PXDNL: variants seen among roughly 807,000 people sequenced by gnomAD.
The protein encoded by PXDNL is probable oxidoreductase PXDNL.
A neutral mutation model predicts 150.8 loss-of-function variants in PXDNL; 145 were observed. The ratio of observed to expected loss-of-function variants is 0.96; its 90% CI spans 0.84 to 1.10. PXDNL has a LOEUF of 1.10. Among genes scored for constraint, PXDNL ranks in the 50% least tolerant of loss-of-function variants. The pLI, the probability that PXDNL is intolerant of heterozygous loss-of-function variation, is 0.00. For synonymous variants in PXDNL, 757 were observed against 725.7 expected (o/e 1.04, Z -0.69); for missense variants, 2,087 against 1,873.9 (o/e 1.11, Z -2.10).
intron 2 of PXDNL, among the ~76,000 whole-genome samples, chr8:51,609,490 A>G (rs1006626459): frequency 2.0e-5 from 3 of 152,132 alleles, no homozygotes; most frequent in South Asian, 2.1e-4. Context: ...ATGTCCTGTG[A>G]TTGTAGTGTG....
chr8:51,431,850 T>C (rs1043892713), intron 12 of PXDNL, among the ~76,000 whole-genome samples: 2 of 152,242 alleles, frequency 1.3e-5, no homozygotes, highest in Non-Finnish European at 2.9e-5. Context: ...CCAAGCTGTA[T>C]TGACTGTGTT....
At chr8:51,328,541 C>A (rs896125238) in intron 21 of PXDNL, among the ~76,000 whole-genome samples, 1 of 152,102 alleles carries the variant, frequency 6.6e-6, no homozygotes, top group Non-Finnish European at 1.5e-5. Flanking sequence ...TCCCACGATC[C>A]AGAAATTGAC....
At chr8:51,372,333 T>A (rs150013637) in intron 18 of PXDNL, among the ~76,000 whole-genome samples, 98 of 152,304 alleles carry the variant, frequency 6.4e-4, no homozygotes, top group Middle Eastern at 3.4e-3. Flanking sequence ...TTTCTAAGGT[T>A]TTCCTCCAAA....
At chr8:51,597,839 C>T (rs1359762851) in intron 2 of PXDNL, among the ~76,000 whole-genome samples, 9 of 152,030 alleles carry the variant, frequency 5.9e-5, no homozygotes, top group East Asian at 1.9e-4. Context: ...CTCAGCCTCC[C>T]GAGTAGCTGG....
At chr8:51,600,804 T>C (rs899159980) in intron 2 of PXDNL, among the ~76,000 whole-genome samples, 1 of 136,676 alleles carries the variant, frequency 7.3e-6, no homozygotes, top group African/African-American at 2.7e-5. Flanking sequence ...TAATAAATTA[T>C]ATCTTATATA....
At chr8:51,804,891 G>A (rs1190803251) in intron 1 of PXDNL, among the ~76,000 whole-genome samples, 1 of 152,026 alleles carries the variant, frequency 6.6e-6, no homozygotes, top group East Asian at 1.9e-4. Context: ...CCCAGCCAGT[G>A]GTGCTGGCCT....
intron 2 of PXDNL, among the ~76,000 whole-genome samples, chr8:51,605,839 G>T (rs947378650): frequency 6.6e-6 from 1 of 152,120 alleles, no homozygotes; most frequent in South Asian, 2.1e-4. Flanking sequence ...TATCACAGGA[G>T]TGGGTTCATT....
At chr8:51,379,887 C>T (rs1027711426) in intron 17 of PXDNL, among the ~76,000 whole-genome samples, 2 of 151,974 alleles carry the variant, frequency 1.3e-5, no homozygotes, top group Admixed American at 6.6e-5. Flanking sequence ...CACTTGGTAC[C>T]GCACCACTTA....
intron 1 of PXDNL, among the ~76,000 whole-genome samples, chr8:51,736,589 T>C (rs1427224460): frequency 6.6e-6 from 1 of 152,206 alleles, no homozygotes; most frequent in African/African-American, 2.4e-5. Context: ...AAAAACCTGC[T>C]TGTAACAAAG....
At chr8:51,776,557 C>A (rs2037355910) in intron 1 of PXDNL, among the ~76,000 whole-genome samples, 1 of 152,144 alleles carries the variant, frequency 6.6e-6, no homozygotes, top group African/African-American at 2.4e-5. Context: ...AAGTCTCTAT[C>A]CTTGACTAAA....
At chr8:51,462,088 A>G (rs1810097462) in intron 8 of PXDNL, among the ~76,000 whole-genome samples, 1 of 152,210 alleles carries the variant, frequency 6.6e-6, no homozygotes, top group Non-Finnish European at 1.5e-5. Context: ...AAGTCATTCA[A>G]TGATATTCAA....
intron 1 of PXDNL, among the ~76,000 whole-genome samples, chr8:51,665,783 GTGCAGATCTGCC>G (rs1328572276): frequency 1.3e-5 from 2 of 152,122 alleles, no homozygotes; most frequent in Non-Finnish European, 1.5e-5. Flanking sequence ...TTGCAGTTCT[GTGCAGATCTGCC>G]TGAGTGTTGG....
chr8:51,360,292 C>T (rs1353411020), intron 19 of PXDNL, among the ~76,000 whole-genome samples: 2 of 152,202 alleles, frequency 1.3e-5, no homozygotes, highest in East Asian at 1.9e-4. Flanking sequence ...AACATGCATA[C>T]ACCCATACAT....
intron 2 of PXDNL, among the ~76,000 whole-genome samples, chr8:51,608,021 G>GAAAGAAAGAAAGAA (rs1563481648): frequency 9.3e-6 from 1 of 107,544 alleles, no homozygotes; most frequent in Non-Finnish European, 1.8e-5. Flanking sequence ...AAGAAAGAAA[G>GAAAGAAAGAAAGAA]AAAGAAAGAA....
At chr8:51,361,937 C>CGAAA (rs1806756236) in intron 19 of PXDNL, among the ~76,000 whole-genome samples, 1 of 58,052 alleles carries the variant, frequency 1.7e-5, no homozygotes, top group African/African-American at 7.0e-5. Flanking sequence ...GATTCCATCT[C>CGAAA]AAAAAAAAAA....
chr8:51,530,367 T>G (rs1811872157), intron 4 of PXDNL, among the ~76,000 whole-genome samples: 1 of 152,160 alleles, frequency 6.6e-6, no homozygotes, highest in Admixed American at 6.5e-5. Flanking sequence ...AAATCCACAG[T>G]AGAAACAGTT....
At chr8:51,690,805 A>G (rs1036699329) in intron 1 of PXDNL, among the ~76,000 whole-genome samples, 5 of 151,662 alleles carry the variant, frequency 3.3e-5, no homozygotes, top group African/African-American at 1.2e-4. Context: ...AAGTGTTCCT[A>G]TTTCTCCACA....
chr8:51,716,448 G>C (rs531108492), intron 1 of PXDNL, among the ~76,000 whole-genome samples: 2 of 152,210 alleles, frequency 1.3e-5, no homozygotes, highest in African/African-American at 2.4e-5. Context: ...TAGTTGAAGT[G>C]AGGTGCAGTT....
At chr8:51,654,931 G>A (rs551628741) in intron 1 of PXDNL, among the ~76,000 whole-genome samples, 171 bp from the exon 2 acceptor site, 13 of 152,294 alleles carry the variant, frequency 8.5e-5, no homozygotes, top group Non-Finnish European at 1.2e-4. Flanking sequence ...TTAGGGAGGT[G>A]CACTGTTTAT....
Sources: allele counts gnomAD v4.1 joint callset (sites outside exome capture counted in the v4.1 genomes callset), GRCh38; gene constraint gnomAD v4.1.1; transcripts MANE v1.5; gene names NCBI Gene and HGNC (gene_info 2026-07-23, HGNC 2026-07-21).